The following CSMD1 variants were observed in gnomAD, a reference collection of about 807,000 sequenced individuals.
CSMD1 encodes the protein CUB and sushi domain-containing protein 1.
CSMD1 carries 213 observed loss-of-function variants against 417.5 expected under a neutral mutation model. The observed-to-expected ratio is 0.51, with a 90% CI of 0.46 to 0.57. The LOEUF is 0.57. Ranked by LOEUF, CSMD1 falls within the 20% of genes least tolerant of loss-of-function variation. CSMD1 has a pLI of 0.00. For synonymous variants in CSMD1, 2,862 were observed against 1,736.8 expected, an observed-to-expected ratio of 1.65 and a Z score of -16.11; for missense variants, 6,923 against 4,529.7, an observed-to-expected ratio of 1.53 and a Z score of -15.17.
At chr8:3,189,086 C>A in intron 34 of CSMD1, 75 bp from the exon 35 acceptor site, 1 of 1,389,440 alleles carries the variant, frequency 7.2e-7, no homozygotes, top group Admixed American at 2.1e-5. Context: ...TTTTCTTTCA[C>A]TGTGTGACCA....
chr8:3,828,342 A>G (rs1802173227), intron 5 of CSMD1, among the ~76,000 whole-genome samples: 1 of 152,210 alleles, frequency 6.6e-6, no homozygotes, highest in African/African-American at 2.4e-5. Context: ...TGAATCTATA[A>G]TTAAGAATCT....
At chr8:3,958,566 C>T (rs1282967919) in intron 5 of CSMD1, among the ~76,000 whole-genome samples, 3 of 152,118 alleles carry the variant, frequency 2.0e-5, no homozygotes, top group Non-Finnish European at 4.4e-5. Context: ...TCAATTTACT[C>T]ATTTATCTGC....
chr8:3,991,703 G>A (rs1188268599), intron 5 of CSMD1, among the ~76,000 whole-genome samples: 8 of 152,104 alleles, frequency 5.3e-5, no homozygotes, highest in African/African-American at 1.2e-4. Flanking sequence ...GTGGAGTGCC[G>A]ACACACTGCT....
At chr8:4,405,485 T>G (rs1804943928) in intron 3 of CSMD1, among the ~76,000 whole-genome samples, 2 of 152,038 alleles carry the variant, frequency 1.3e-5, no homozygotes, top group Admixed American at 1.3e-4. Flanking sequence ...AAGAGTGAAG[T>G]GAAGTCAATG....
At chr8:4,069,201 G>A (rs1407311898) in intron 3 of CSMD1, among the ~76,000 whole-genome samples, 2 of 152,116 alleles carry the variant, frequency 1.3e-5, no homozygotes, top group African/African-American at 2.4e-5. Context: ...TACTCTGATT[G>A]AGGCGTGAAT....
At chr8:4,141,057 A>T (rs1395605986) in intron 3 of CSMD1, among the ~76,000 whole-genome samples, 2 of 151,276 alleles carry the variant, frequency 1.3e-5, no homozygotes, top group Non-Finnish European at 2.9e-5. Context: ...GTTCTAACAA[A>T]TTATAAAATA....
intron 26 of CSMD1, among the ~76,000 whole-genome samples, chr8:3,257,468 TAAATG>T (rs1285669281): frequency 1.3e-5 from 2 of 152,134 alleles, no homozygotes; most frequent in Admixed American, 6.5e-5. Context: ...AACCAAGTAA[TAAATG>T]AAATATTATG....
intron 1 of CSMD1, among the ~76,000 whole-genome samples, chr8:4,823,867 G>A (rs1799658077): frequency 6.6e-6 from 1 of 151,870 alleles, no homozygotes; most frequent in Non-Finnish European, 1.5e-5. Context: ...ATAAAAGGAA[G>A]GCTTAATATT....
In CSMD1 at chr8:4,834,368, T is replaced by C. The variant is rs188097165; in HGVS notation, c.85+159964A>G. ...AGAACGCATCATCTGTAGGAAGATATACGTTAGGAGAGATATAAGCAATAT... is the reference window on the plus strand; with the variant it reads ...AGAACGCATCATCTGTAGGAAGATACACGTTAGGAGAGATATAAGCAATAT... On this transcript the variant is annotated intron_variant, in intron 1 of 69. Coordinates refer to ENST00000635120, the MANE Select transcript of CSMD1 (RefSeq NM_033225.6). 2.3e-3 allele frequency among the ~76,000 whole-genome samples: 343 copies of C among 152,256 alleles called. 1 individual carries two copies. Among genetic ancestry groups the C allele is most frequent in the African/African-American group, 7.8e-3 (325 of 41,554 alleles).
In CSMD1 at chr8:4,924,481, G is replaced by C. The variant is rs116238830; in HGVS notation, c.85+69851C>G. 9.3e-3 allele frequency among the ~76,000 whole-genome samples: 1,415 copies of C among 152,176 alleles called. 23 individuals carry two copies. Among genetic ancestry groups the C allele is most frequent in the African/African-American group, 0.033 (1,366 of 41,532 alleles). On this transcript the variant is annotated intron_variant, in intron 1 of 69. Transcript: ENST00000635120. ...CTCACGCCTGTAATCTCAGTACTTT[G>C]AGAGGCTGGGGCGGGTAGATCACCT...
At chr8:4,244,220 C>A (rs1404272707) in intron 3 of CSMD1, among the ~76,000 whole-genome samples, 1 of 152,138 alleles carries the variant, frequency 6.6e-6, no homozygotes, top group East Asian at 1.9e-4. Context: ...GCAGCAGCAA[C>A]AGTAACAGCT....
chr8:3,000,706 G>C (rs904646406), intron 52 of CSMD1, among the ~76,000 whole-genome samples: 1 of 152,200 alleles, frequency 6.6e-6, no homozygotes. Context: ...GAAGTCTAGA[G>C]TTCCAGGGAC....
chr8:4,036,714 C>G (rs1366516628), intron 3 of CSMD1, among the ~76,000 whole-genome samples: 1 of 152,184 alleles, frequency 6.6e-6, no homozygotes, highest in African/African-American at 2.4e-5. Context: ...GTAAAGGATC[C>G]TTTTGCAGAT....
At chr8:3,230,282 C>G (rs1430541279) in intron 26 of CSMD1, 51 bp from the exon 27 acceptor site, 1 of 1,437,774 alleles carries the variant, frequency 7.0e-7, no homozygotes, top group Non-Finnish European at 9.3e-7. Flanking sequence ...ATGGTTTCCA[C>G]ATTCTTGTCG....
chr8:3,301,946 T>A (rs963893585), intron 25 of CSMD1, among the ~76,000 whole-genome samples: 1 of 152,164 alleles, frequency 6.6e-6, no homozygotes. Flanking sequence ...GCACTTTTTT[T>A]TCAGTGTCTC....
intron 1 of CSMD1, among the ~76,000 whole-genome samples, chr8:4,774,253 C>T (rs1214413994): frequency 3.3e-5 from 5 of 152,038 alleles, no homozygotes; most frequent in East Asian, 1.9e-4. Flanking sequence ...ACAGCATTTG[C>T]GAATGGGGCA....
chr8:4,234,947 C>A (rs1420112283), intron 3 of CSMD1, among the ~76,000 whole-genome samples: 3 of 152,132 alleles, frequency 2.0e-5, no homozygotes, highest in African/African-American at 7.2e-5. Flanking sequence ...AATCTTGATT[C>A]TAAGGGCGGG....
At chr8:3,253,636 G>C (rs1800434203) in intron 26 of CSMD1, among the ~76,000 whole-genome samples, 1 of 152,146 alleles carries the variant, frequency 6.6e-6, no homozygotes, top group Non-Finnish European at 1.5e-5. Context: ...GGTTGTTAAA[G>C]TCTGCCATTA....
intron 10 of CSMD1, among the ~76,000 whole-genome samples, chr8:3,551,590 A>T (rs1438918706): frequency 9.5e-6 from 1 of 105,128 alleles, no homozygotes. Flanking sequence ...ATATATATAT[A>T]TATATATTTT....
Sources: allele counts gnomAD v4.1 joint callset (sites outside exome capture counted in the v4.1 genomes callset), GRCh38; gene constraint gnomAD v4.1.1; transcripts MANE v1.5; gene names NCBI Gene and HGNC (gene_info 2026-07-23, HGNC 2026-07-21).